The following AP1G2 variants were observed in gnomAD, a reference collection of about 807,000 sequenced individuals.
AP1G2 encodes AP-1 complex subunit gamma-like 2.
In AP1G2, 85 loss-of-function variants were observed where a neutral mutation model predicts 95.8. That is an observed-to-expected ratio of 0.89 (90% CI 0.74 to 1.06). The LOEUF (loss-of-function observed/expected upper bound fraction) is 1.06. Ranked by LOEUF, AP1G2 falls within the 50% of genes least tolerant of loss-of-function variation. AP1G2 has a pLI of 0.00. For missense variants in AP1G2, 967 were observed against 1,005.8 expected, an observed-to-expected ratio of 0.96 and a Z score of 0.52; for synonymous variants, 378 against 400.0, an observed-to-expected ratio of 0.94 and a Z score of 0.66.
In AP1G2 at chr14:23,565,813, C is replaced by A. The variant is rs772476108; in HGVS notation, c.645+3G>T. The A allele has an allele frequency of 6.3e-7, 1 of 1,584,820 alleles. No individual in the cohort carries two copies. The highest frequency in any genetic ancestry group is 8.6e-7 in the Non-Finnish European group (1 of 1,164,646). ...CCCAGGGCCTGCCCCTTCACCAGCCCACCTTTCGGAAGTGCCTGAGGGCTG... is the reference window on the plus strand; with the variant it reads ...CCCAGGGCCTGCCCCTTCACCAGCCAACCTTTCGGAAGTGCCTGAGGGCTG... On this transcript the variant is annotated splice_donor_region_variant and intron_variant, in intron 6 of 21. Coordinates refer to ENST00000397120, the MANE Select transcript of AP1G2 (RefSeq NM_003917.5).
rs559761957 is a variant in AP1G2, at chr14:23,561,189, C to G, written c.1993+107G>C. 1.0e-4 allele frequency: 149 copies of G among 1,456,876 alleles called. No individual in the cohort carries two copies. In the African/African-American group the frequency reaches 2.0e-3, roughly 19 times the overall value. The allele number at this position is 1,456,876 out of a possible 1,614,324, so 90.2% of individuals were successfully genotyped here. A position where few individuals can be genotyped will look rare whatever the true frequency, so the allele number is the denominator to read the frequency against. On this transcript the variant is annotated intron_variant, in intron 19 of 21. Coordinates refer to ENST00000397120, the MANE Select transcript of AP1G2 (RefSeq NM_003917.5). ...CCTGAGATGGCGATGGGATGGGGGACACACAGGAAGAAGCAGGGTCCATGA... is the reference window on the plus strand; with the variant it reads ...CCTGAGATGGCGATGGGATGGGGGAGACACAGGAAGAAGCAGGGTCCATGA...
At position 23,567,406 on chromosome 14, in the gene AP1G2, G is replaced by A; in HGVS notation, c.-5-87C>T. ...GGCCCGTCCTGTGTCAAGACCCTAA[G>A]AGCCCGGGTCCCACAGGTACCCTAA... is the stretch of plus-strand genomic sequence containing the variant. On this transcript the variant is annotated intron_variant, in intron 1 of 21. Transcript: ENST00000397120. The surrounding 1 kb of genome is among the most constrained non-coding windows in gnomAD (Gnocchi z 5.3). 5 of 1,470,626 alleles carry A rather than the reference G, an allele frequency of 3.4e-6. No individual in the cohort carries two copies. The highest frequency in any genetic ancestry group is 1.3e-5 in the South Asian group (1 of 74,754). 91.1% of individuals were successfully genotyped at this position (1,470,626 alleles called of 1,614,324 possible). A position where few individuals can be genotyped will look rare whatever the true frequency, so the allele number is the denominator to read the frequency against.
intron 16 of AP1G2, 93 bp downstream of exon 16, chr14:23,562,195 A>C: frequency 6.3e-7 from 1 of 1,589,390 alleles, no homozygotes; most frequent in Non-Finnish European, 8.6e-7. Context: ...GCTAGGGGGT[A>C]GGGAGGGCTG....
Position 23,560,052 on chromosome 14 carries a change from T to G in AP1G2, c.2158-16A>C. 6.4e-7 allele frequency: 1 copy of G among 1,558,882 alleles called. No individual in the cohort carries two copies. Among genetic ancestry groups the G allele is most frequent in the Non-Finnish European group, 8.8e-7 (1 of 1,134,808 alleles). On this transcript the variant is annotated splice_polypyrimidine_tract_variant and intron_variant, in intron 20 of 21. Transcript: ENST00000397120. ...GCTGGAGACTCTGAACACAGGAGTTTAACAGAGCACAGTATGGCAGTAGGT... is the reference window on the plus strand; with the variant it reads ...GCTGGAGACTCTGAACACAGGAGTTGAACAGAGCACAGTATGGCAGTAGGT...
rs1327706507 is a variant in AP1G2, at chr14:23,560,035, C to A, written c.2159G>T (p.Ser720Ile). ...GGGGGCCTGCAGCTGCAGCTGGAGACTCTGAACACAGGAGTTTAACAGAGC... is the reference window on the plus strand; with the variant it reads ...GGGGGCCTGCAGCTGCAGCTGGAGAATCTGAACACAGGAGTTTAACAGAGC... ...HFICQAAVPK[S>I]LQLQLQAPSG... is the part of the protein sequence containing the mutation. Residue 720 changes from serine (S) to isoleucine (I), a missense_variant and splice_region_variant, in exon 21 of 22, where the codon AGT becomes ATT. Ser to Ile is a moderately radical substitution (Grantham distance 142). Transcript: ENST00000397120. The A allele has an allele frequency of 6.2e-7, 1 of 1,600,410 alleles. No individual in the cohort carries two copies.
In AP1G2 at chr14:23,560,238, C is replaced by G. The variant is rs746482320; in HGVS notation, c.2157+17G>C. On this transcript the variant is annotated intron_variant, in intron 20 of 21. Coordinates refer to ENST00000397120, the MANE Select transcript of AP1G2 (RefSeq NM_003917.5). ...CTGGAGTCCCCAGGCCACCTCTGAA[C>G]TCTGATCTTTACAAACCTTGGGCAC... 8.1e-6 allele frequency: 13 copies of G among 1,612,586 alleles called. No homozygotes were observed. Among genetic ancestry groups the G allele is most frequent in the Non-Finnish European group, 1.1e-5 (13 of 1,179,808 alleles).
At chr14:23,563,271 A>G (rs1356087412) in intron 14 of AP1G2, 109 bp downstream of exon 14, 1 of 1,513,112 alleles carries the variant, frequency 6.6e-7, no homozygotes, top group Non-Finnish European at 8.9e-7. Flanking sequence ...GCACTGTGTA[A>G]GCAGCTGTGA....
At position 23,567,598 on chromosome 14, in the gene AP1G2, T is replaced by C. The variant is rs1888705803; in HGVS notation, c.-6+141A>G. The C allele has an allele frequency of 2.4e-6, 3 of 1,226,364 alleles. No individual in the cohort carries two copies. Among genetic ancestry groups the C allele is most frequent in the Admixed American group, 4.6e-5 (1 of 21,874 alleles). 76.0% of individuals were successfully genotyped at this position (1,226,364 alleles called of 1,614,324 possible). A position where few individuals can be genotyped will look rare whatever the true frequency, so the allele number is the denominator to read the frequency against. ...CTCTCTACCGTTTCCTCCCCCTACC[T>C]GGTACCCCATCCCTAGCTCAGCCAT... On this transcript the variant is annotated intron_variant, in intron 1 of 21. Transcript: ENST00000397120. This position sits in a 1 kb window ranked among gnomAD's most constrained non-coding sequence, Gnocchi z 5.3.
At position 23,560,044 on chromosome 14, in the gene AP1G2, CAGG is replaced by C. The variant is rs1566613458; in HGVS notation, c.2158-11_2158-9del. 1.3e-5 allele frequency: 21 copies of C among 1,588,304 alleles called. No homozygotes were observed. Among genetic ancestry groups the C allele is most frequent in the Non-Finnish European group, 1.7e-5 (20 of 1,160,494 alleles). ...CAGCTGCAGCTGGAGACTCTGAACA[CAGG>C]AGTTTAACAGAGCACAGTATGGCAG... On this transcript the variant is annotated splice_polypyrimidine_tract_variant and intron_variant, in intron 20 of 21. Coordinates refer to ENST00000397120, the MANE Select transcript of AP1G2 (RefSeq NM_003917.5).
chr14:23,559,970 T>C lies in AP1G2; in HGVS notation c.2224A>G (p.Thr742Ala), dbSNP rs1285145941. ...TVPARGGLPI[T>A]QLFRILNPNK... ...GGATTGAGGATTCTGAAGAGCTGGG[T>C]GATAGGAAGGCCACCCCGAGCTGGA... The change falls in exon 21 of 22, where the codon ACC (threonine) becomes GCC (alanine). Residue 742 changes from threonine (T) to alanine (A), a missense_variant. Thr to Ala is a moderately conservative substitution (Grantham distance 58). Transcript: ENST00000397120. The C allele has an allele frequency of 8.7e-6, 14 of 1,613,252 alleles. No homozygotes were observed. The highest frequency in any genetic ancestry group is 1.2e-5 in the Non-Finnish European group (14 of 1,179,572).
In AP1G2 at chr14:23,562,394, C is replaced by A; in HGVS notation, c.1522G>T (p.Ala508Ser). The A allele has an allele frequency of 1.2e-6, 2 of 1,614,164 alleles. No homozygotes were observed. The highest frequency in any genetic ancestry group is 1.1e-5 in the South Asian group (1 of 91,088). ...PLQVDEEEVL[A>S]LLEKVLQSHM... ...GACTGCAGCACCTTTTCCAGCAATG[C>A]CAGCACTTCCTCTTCGTCCACCTTC... Residue 508 changes from alanine (A) to serine (S), a missense_variant, in exon 16 of 22, where the codon GCA becomes TCA. Coordinates refer to ENST00000397120, the MANE Select transcript of AP1G2 (RefSeq NM_003917.5).
Position 23,560,274 on chromosome 14 carries a change from C to G in AP1G2, c.2138G>C (p.Cys713Ser), listed in dbSNP as rs749623929. The change falls in exon 20 of 22, where the codon TGC becomes TCC. Residue 713 changes from cysteine to serine, a missense_variant. Coordinates refer to ENST00000397120, the MANE Select transcript of AP1G2 (RefSeq NM_003917.5). ...FSEGDVTHFICQAAVPKSLQL... is the reference protein window; with the variant it reads ...FSEGDVTHFISQAAVPKSLQL... Reference sequence around the variant, plus strand: ...ACAAACCTTGGGCACAGCAGCCTGGCAGATGAAATGGGTGACATCACCCTC... The same window carrying G: ...ACAAACCTTGGGCACAGCAGCCTGGGAGATGAAATGGGTGACATCACCCTC... 11 of 1,613,628 alleles carry G rather than the reference C, an allele frequency of 6.8e-6. No homozygotes were observed. The highest frequency in any genetic ancestry group is 8.5e-6 in the Non-Finnish European group (10 of 1,180,030).
Position 23,567,602 on chromosome 14 carries a change from A to G in AP1G2, c.-6+137T>C. On this transcript the variant is annotated intron_variant, in intron 1 of 21. Transcript: ENST00000397120. This position sits in a 1 kb window ranked among gnomAD's most constrained non-coding sequence, Gnocchi z 5.3. ...CTACCGTTTCCTCCCCCTACCTGGT[A>G]CCCCATCCCTAGCTCAGCCATTGCT... 3 of 1,212,348 alleles carry G rather than the reference A, an allele frequency of 2.5e-6. No homozygotes were observed. The highest frequency in any genetic ancestry group is 3.1e-6 in the Non-Finnish European group (3 of 972,902). The allele number at this position is 1,212,348 out of a possible 1,614,324, so 75.1% of individuals were successfully genotyped here. A position where few individuals can be genotyped will look rare whatever the true frequency, so the allele number is the denominator to read the frequency against.
At position 23,560,410 on chromosome 14, in the gene AP1G2, G is replaced by C. The variant is rs760675907; in HGVS notation, c.2002C>G (p.Pro668Ala). Residue 668 changes from proline to alanine, a missense_variant, in exon 20 of 22, where the codon CCA (proline) becomes GCA (alanine). Transcript: ENST00000397120. ...PCVPPPPAPI[P>A]DLKVFEREGV... ...TCACGCTCAAACACTTTGAGATCTG[G>C]GATGGGAGCTGGAGTAGGGAGACAG... 1 of 1,613,122 alleles carries C rather than the reference G, an allele frequency of 6.2e-7. No homozygotes were observed. Among genetic ancestry groups the C allele is most frequent in the East Asian group, 2.2e-5 (1 of 44,884 alleles).
chr14:23,560,778 CAAAAAAAAAA>C (rs59524126), intron 19 of AP1G2: 17 of 15,908 alleles, frequency 1.1e-3, no homozygotes, highest in South Asian at 3.5e-3. Context: ...GACGCTGTCT[CAAAAAAAAAA>C]AAAAAAAAAA....
chr14:23,561,657 G>T, intron 17 of AP1G2, 22 bp from the exon 18 acceptor site: 1 of 1,611,846 alleles, frequency 6.2e-7, no homozygotes, highest in Non-Finnish European at 8.5e-7. Flanking sequence ...GAATGCAAGT[G>T]TGCCTCTGTG....
chr14:23,564,583 G>A lies in AP1G2; in HGVS notation c.900C>T (p.Ile300=), dbSNP rs1289141120. 1 of 1,613,394 alleles carries A rather than the reference G, an allele frequency of 6.2e-7. No individual in the cohort carries two copies. The highest frequency in any genetic ancestry group is 8.5e-7 in the Non-Finnish European group (1 of 1,180,024). The change falls in exon 9 of 22, where the codon ATC becomes ATT. Residue 300 remains isoleucine (I), a synonymous_variant. Coordinates refer to ENST00000397120, the MANE Select transcript of AP1G2 (RefSeq NM_003917.5). ...LFETVLTIMD[I]RSAAGLRVLA... ...ATACCCGTAGGCCAGCTGCAGAGCGGATATCCATGATGGTGAGTACTGTCT... is the reference window on the plus strand; with the variant it reads ...ATACCCGTAGGCCAGCTGCAGAGCGAATATCCATGATGGTGAGTACTGTCT...
chr14:23,560,202 G>A, intron 20 of AP1G2, 53 bp downstream of exon 20: 2 of 1,594,232 alleles, frequency 1.3e-6, no homozygotes, highest in Non-Finnish European at 1.7e-6. Flanking sequence ...TCCACTTAGT[G>A]GCCTTTTCTC....
intron 6 of AP1G2, 36 bp downstream of exon 6, chr14:23,565,780 C>A: frequency 6.2e-7 from 1 of 1,603,094 alleles, no homozygotes; most frequent in Non-Finnish European, 8.5e-7. Context: ...CTGACCCTGT[C>A]TTCCAGGCCC....
Sources: allele counts gnomAD v4.1 joint callset, GRCh38; gene constraint gnomAD v4.1.1; non-coding constraint Gnocchi (gnomAD v3.1); transcripts MANE v1.5; gene names NCBI Gene and HGNC (gene_info 2026-07-23, HGNC 2026-07-21).